HMCN1: variants seen among roughly 807,000 people sequenced by gnomAD.
The protein encoded by HMCN1 is hemicentin-1.
Under a neutral mutation model 625.9 loss-of-function variants are expected in HMCN1, and 321 were observed. The observed-to-expected ratio is 0.51, with a 90% confidence interval of 0.47 to 0.56. The LOEUF (loss-of-function observed/expected upper bound fraction) is 0.56, where lower values mean the gene tolerates loss of function less well. HMCN1 is among the 20% of genes least tolerant of loss of function. HMCN1 has a pLI of 0.00. For missense variants in HMCN1, 6,588 were observed against 6,887.3 expected, an observed-to-expected ratio of 0.96 and a Z score of 1.54; for synonymous variants, 2,425 against 2,417.6, an observed-to-expected ratio of 1.00 and a Z score of -0.09.
chr1:186,086,469 C>G, intron 58 of HMCN1, 62 bp downstream of exon 58: 1 of 1,509,226 alleles, frequency 6.6e-7, no homozygotes, highest in South Asian at 1.1e-5. Context: ...ATACAAACAG[C>G]ATTTCAAATT....
At chr1:186,127,504 G>C (rs1027179512) in intron 82 of HMCN1, among the ~76,000 whole-genome samples, 1 of 152,058 alleles carries the variant, frequency 6.6e-6, no homozygotes, top group African/African-American at 2.4e-5. Flanking sequence ...TGAGATAGGA[G>C]GGGAAAATAG....
chr1:185,919,147 A>C (rs951506147), intron 6 of HMCN1, among the ~76,000 whole-genome samples: 3 of 151,894 alleles, frequency 2.0e-5, no homozygotes, highest in Non-Finnish European at 4.4e-5. Flanking sequence ...TTGGAAGAGA[A>C]GGGAAGGGAA....
intron 93 of HMCN1, among the ~76,000 whole-genome samples, chr1:186,146,190 G>T (rs1350362502): frequency 6.6e-6 from 1 of 152,170 alleles, no homozygotes; most frequent in East Asian, 1.9e-4. Flanking sequence ...GGAAAAATGG[G>T]CTGAGACTCC....
At chr1:185,983,022 C>A (rs1651758968) in intron 18 of HMCN1, among the ~76,000 whole-genome samples, 1 of 151,862 alleles carries the variant, frequency 6.6e-6, no homozygotes, top group Admixed American at 6.6e-5. Context: ...TATTTTTGTG[C>A]TCTTCTTTGT....
At position 185,734,549 on chromosome 1, in the gene HMCN1, A is replaced by C. The variant is rs557601629; in HGVS notation, c.-231A>C. On this transcript the variant is annotated 5_prime_UTR_variant, in exon 1 of 107. Coordinates refer to ENST00000271588, the MANE Select transcript of HMCN1 (RefSeq NM_031935.3). Reference sequence around the variant, plus strand: ...GCCCGCGGGCAGATAGCAGTCCAGGAGGAAGCCGCATCCAGACAAAAGCTG... The same window carrying C: ...GCCCGCGGGCAGATAGCAGTCCAGGCGGAAGCCGCATCCAGACAAAAGCTG... 3,013 of 553,796 alleles carry C rather than the reference A, an allele frequency of 5.4e-3. 14 individuals carry two copies. The highest frequency in any genetic ancestry group is 8.7e-3 in the Non-Finnish European group (2,686 of 309,888). 34.3% of individuals were successfully genotyped at this position (553,796 alleles called of 1,614,324 possible). A position where few individuals can be genotyped will look rare whatever the true frequency, so the allele number is the denominator to read the frequency against.
chr1:186,107,515 T>G (rs1307105843), intron 70 of HMCN1, among the ~76,000 whole-genome samples: 1 of 152,236 alleles, frequency 6.6e-6, no homozygotes, highest in Non-Finnish European at 1.5e-5. Context: ...CATGTTTATA[T>G]AGTGTACCTA....
At chr1:185,945,533 CAAAT>C (rs1391901887) in intron 11 of HMCN1, among the ~76,000 whole-genome samples, 4 of 152,122 alleles carry the variant, frequency 2.6e-5, no homozygotes, top group African/African-American at 9.7e-5. Context: ...GGCAATAACA[CAAAT>C]AAATATTTAC....
intron 38 of HMCN1, 73 bp from the exon 39 acceptor site, chr1:186,039,655 G>A: frequency 6.9e-7 from 1 of 1,449,782 alleles, no homozygotes; most frequent in Non-Finnish European, 9.7e-7. Flanking sequence ...GTAGACATTA[G>A]ATGTAGTTTT....
chr1:185,907,065 G>A (rs973379387), intron 4 of HMCN1, among the ~76,000 whole-genome samples: 6 of 149,940 alleles, frequency 4.0e-5, no homozygotes, highest in African/African-American at 1.5e-4. Context: ...GTCAATGTTA[G>A]TTACAGTCAG....
intron 93 of HMCN1, among the ~76,000 whole-genome samples, chr1:186,147,517 G>A (rs1489621999): frequency 6.6e-6 from 1 of 151,050 alleles, no homozygotes; most frequent in East Asian, 2.0e-4. Flanking sequence ...TAAAAGTAAT[G>A]TAAATTAAAA....
At chr1:186,024,386 T>C (rs1477945597) in intron 36 of HMCN1, among the ~76,000 whole-genome samples, 1 of 152,068 alleles carries the variant, frequency 6.6e-6, no homozygotes, top group Non-Finnish European at 1.5e-5. Flanking sequence ...AAGAGTATGC[T>C]GGGGGGGATT....
chr1:186,157,336 G>T (rs2102591574), intron 97 of HMCN1, among the ~76,000 whole-genome samples: 1 of 152,070 alleles, frequency 6.6e-6, no homozygotes, highest in Non-Finnish European at 1.5e-5. Flanking sequence ...ATAATTCAAA[G>T]TAACACACTT....
At position 185,989,531 on chromosome 1, in the gene HMCN1, G is replaced by A. The variant is rs775217262; in HGVS notation, c.3092G>A (p.Gly1031Glu). 2 of 1,613,966 alleles carry A rather than the reference G, an allele frequency of 1.2e-6. No homozygotes were observed. The highest frequency in any genetic ancestry group is 2.2e-5 in the South Asian group (2 of 91,070). Residue 1031 changes from glycine (G) to glutamate (E), a missense_variant, in exon 21 of 107, where the codon GGA becomes GAA. By Grantham distance (98) the Gly-to-Glu change is moderately conservative. This residue lies in a region of HMCN1 where 4,628 missense variants were observed against 4,853.1 expected (regional missense o/e 0.95). Transcript: ENST00000271588. The stretch of plus-strand genomic sequence containing the variant: ...ACCAGCAGTGCTAAGTTTTCAGCAG[G>A]AGCTGATGGTAGTCTGTATGTGGTA... The part of the protein sequence containing the change: ...ISTSSAKFSA[G>E]ADGSLYVVSP...
Position 185,879,232 on chromosome 1 carries a change from G to A in HMCN1, c.621+13369G>A, listed in dbSNP as rs370380920. Among the ~76,000 whole-genome samples, 19 of 152,240 alleles carry A rather than the reference G, an allele frequency of 1.2e-4. No individual in the cohort carries two copies. In the East Asian group the frequency reaches 1.4e-3, roughly 11 times the overall value. ...GTTGCACAGGCTAGAGTGCAGTGTTGTGATCACTGCTCACTGCAGCCTCGA... is the reference window on the plus strand; with the variant it reads ...GTTGCACAGGCTAGAGTGCAGTGTTATGATCACTGCTCACTGCAGCCTCGA... On this transcript the variant is annotated intron_variant, in intron 4 of 106. Coordinates refer to ENST00000271588, the MANE Select transcript of HMCN1 (RefSeq NM_031935.3).
rs750638105 is a variant in HMCN1 at position 186,123,218 on chromosome 1, A to T, written c.12497A>T (p.His4166Leu). The T allele has an allele frequency of 2.5e-6, 4 of 1,613,264 alleles. No homozygotes were observed. The South Asian group carries it at 4.4e-5, about 18-fold the overall frequency. The change falls in exon 81 of 107, where the codon CAT becomes CTT. Residue 4166 changes from histidine (H) to leucine (L), a missense_variant and splice_region_variant. His to Leu is a moderately conservative substitution (Grantham distance 99). Coordinates refer to ENST00000271588, the MANE Select transcript of HMCN1 (RefSeq NM_031935.3). Reference protein sequence around the residue: ...SSSTSTKLTVHVPPRIRSTEG... With the variant: ...SSSTSTKLTVLVPPRIRSTEG... The stretch of plus-strand genomic sequence containing the variant: ...AGCACAAGCACCAAGCTCACCGTCC[A>T]TGGTAGGTTGTTTAACATGAATTAT...
chr1:186,068,082 CTTT>C, intron 50 of HMCN1, 75 bp downstream of exon 50: 1 of 1,348,486 alleles, frequency 7.4e-7, no homozygotes, highest in Non-Finnish European at 1.1e-6. Context: ...TCATTGGTTA[CTTT>C]TTATAAAAAC....
intron 100 of HMCN1, among the ~76,000 whole-genome samples, chr1:186,170,762 C>A (rs991889865): frequency 2.0e-5 from 3 of 152,164 alleles, no homozygotes; most frequent in African/African-American, 7.2e-5. Flanking sequence ...ACACAAACCA[C>A]AGGCAAGTCC....
chr1:186,113,845 T>C, intron 72 of HMCN1, 134 bp from the exon 73 acceptor site: 4 of 992,632 alleles, frequency 4.0e-6, no homozygotes, highest in Non-Finnish European at 6.4e-6. Flanking sequence ...CAATTCTACT[T>C]ATACTAACCT....
Position 185,994,968 on chromosome 1 carries a change from G to T in HMCN1, c.3659G>T (p.Ser1220Ile). 1 of 1,613,910 alleles carries T rather than the reference G, an allele frequency of 6.2e-7. No homozygotes were observed. The highest frequency in any genetic ancestry group is 8.5e-7 in the Non-Finnish European group (1 of 1,179,864). The stretch of plus-strand genomic sequence containing the variant: ...CTGGTTGATGGAGAGCACCATGTTA[G>T]CAATCCAGACGGAACTTTAAGCATC... ...TMLVDGEHHV[S>I]NPDGTLSIDQ... is the part of the protein sequence containing the mutation. The change falls in exon 24 of 107, where the codon AGC becomes ATC. Residue 1220 changes from serine (S) to isoleucine (I), a missense_variant. This residue lies in a region of HMCN1 where 4,628 missense variants were observed against 4,853.1 expected (regional missense o/e 0.95). Coordinates refer to ENST00000271588, the MANE Select transcript of HMCN1 (RefSeq NM_031935.3).
Sources: gnomAD v4.1 joint callset for allele counts (sites outside exome capture counted in the v4.1 genomes callset) on GRCh38, gnomAD v4.1.1 for gene constraint, gnomAD v4.1.1 regional missense constraint, MANE v1.5 for transcripts, NCBI Gene and HGNC (gene_info 2026-07-23, HGNC 2026-07-21) for gene names.